Variants in NCOA6 observed in about 807,000 individuals in gnomAD.
NCOA6 encodes nuclear receptor coactivator 6, also known as NRC RAP250.
NCOA6 carries 49 observed loss-of-function variants against 171.4 expected under a neutral mutation model. The observed-to-expected ratio is 0.29, with a 90% CI of 0.23 to 0.36. The LOEUF (loss-of-function observed/expected upper bound fraction) is 0.36, where lower values mean the gene tolerates loss of function less well. Ranked by LOEUF, NCOA6 falls within the 10% of genes least tolerant of loss-of-function variation. The pLI is 1.00. For synonymous variants in NCOA6, 910 were observed against 927.5 expected (o/e 0.98, Z 0.34); for missense variants, 2,248 against 2,554.5 (o/e 0.88, Z 2.59).
At chr20:34,748,322 C>T (rs140511752) in intron 9 of NCOA6, among the ~76,000 whole-genome samples, 33 of 152,122 alleles carry the variant, frequency 2.2e-4, no homozygotes, top group Admixed American at 1.5e-3. Flanking sequence ...TAATAATACA[C>T]CATGATTAGC....
chr20:34,741,928 G>A lies in NCOA6; in HGVS notation c.4328C>T (p.Ala1443Val), dbSNP rs377142081. 6 of 1,614,066 alleles carry A rather than the reference G, an allele frequency of 3.7e-6. No individual in the cohort carries two copies. The highest frequency in any genetic ancestry group is 2.7e-5 in the African/African-American group (2 of 74,914). ...CATTTTAACTTCTTGGGCAGGGACT[G>A]CTTTTAGTTCAATGTTTACCTGTTC... ...RKEQVNIELK[A>V]VPAQEVKMVV... The change falls in exon 11 of 15, where the codon GCA (alanine) becomes GTA (valine). Residue 1443 changes from alanine (A) to valine (V), a missense_variant. By Grantham distance (64) the Ala-to-Val change is moderately conservative. This residue lies in a region of NCOA6 where 884 missense variants were observed against 941.9 expected (regional missense o/e 0.94). Coordinates refer to ENST00000359003, the MANE Select transcript of NCOA6 (RefSeq NM_014071.5).
At chr20:34,759,876 G>A (rs999439154) in intron 5 of NCOA6, among the ~76,000 whole-genome samples, 9 of 152,138 alleles carry the variant, frequency 5.9e-5, no homozygotes, top group African/African-American at 9.7e-5. Flanking sequence ...GCTCTCAAAA[G>A]TGGTTATACC....
At position 34,768,575 on chromosome 20, in the gene NCOA6, T is replaced by C. The variant is rs2077049535; in HGVS notation, c.403A>G (p.Ile135Val). 3 of 1,613,466 alleles carry C rather than the reference T, an allele frequency of 1.9e-6. No homozygotes were observed. The highest frequency in any genetic ancestry group is 1.3e-5 in the African/African-American group (1 of 74,894). ...CGGTTCTGAGCCAAAGCCAGGTTAATAGCACCTTCCCCTGAAAATGAGTCA... is the reference window on the plus strand; with the variant it reads ...CGGTTCTGAGCCAAAGCCAGGTTAACAGCACCTTCCCCTGAAAATGAGTCA... ...LSVQIEGEGA[I>V]NLALAQNRSQ... The change falls in exon 5 of 15, where the codon ATT (isoleucine) becomes GTT (valine). Residue 135 changes from isoleucine to valine, a missense_variant. Ile to Val is a conservative substitution (Grantham distance 29). Transcript: ENST00000359003.
At chr20:34,786,128 A>G (rs933045813) in intron 2 of NCOA6, among the ~76,000 whole-genome samples, 18 of 152,170 alleles carry the variant, frequency 1.2e-4, no homozygotes, top group African/African-American at 4.1e-4. Context: ...GTTTATGTAC[A>G]TAGAGGTGTT....
chr20:34,725,396 G>A (rs1989838529), intron 14 of NCOA6, among the ~76,000 whole-genome samples: 1 of 152,214 alleles, frequency 6.6e-6, no homozygotes, highest in Non-Finnish European at 1.5e-5. Flanking sequence ...GGAAGGGTGG[G>A]ACGTTAAGGA....
Position 34,754,864 on chromosome 20 carries a change from C to T in NCOA6, c.1533G>A (p.Met511Ile). ...PQSLHPGLGG[M>I]PKRLPPGFSA... ...AGAAGCCAGGTGGGAGGCGTTTAGG[C>T]ATTCCTTAATAGAAAACAATGAGTA... Residue 511 changes from methionine to isoleucine, a missense_variant, in exon 8 of 15, where the codon ATG becomes ATA. Transcript: ENST00000359003. The T allele has an allele frequency of 1.9e-6, 3 of 1,614,000 alleles. No homozygotes were observed. In the South Asian group the frequency reaches 3.3e-5, roughly 18 times the overall value.
At chr20:34,804,724 C>T (rs1050302117) in intron 1 of NCOA6, among the ~76,000 whole-genome samples, 2 of 151,954 alleles carry the variant, frequency 1.3e-5, no homozygotes, top group Non-Finnish European at 2.9e-5. Context: ...TCACACATAA[C>T]TGTATATATA....
In NCOA6 at chr20:34,746,926, G is replaced by T. The variant is rs1309344836; in HGVS notation, c.2795C>A (p.Thr932Asn). Residue 932 changes from threonine to asparagine, a missense_variant and splice_region_variant, in exon 10 of 15, where the codon ACC becomes AAC. Coordinates refer to ENST00000359003, the MANE Select transcript of NCOA6 (RefSeq NM_014071.5). ...CAGACCAGCTGGGCGAGTATCTGGG[G>T]TGCTAAAAAAAAAAAAAAAAAAAAA... ...KKKNSQQDLN[T>N]PDTRPAGLEE... 2 of 1,441,792 alleles carry T rather than the reference G, an allele frequency of 1.4e-6. No homozygotes were observed. Among genetic ancestry groups the T allele is most frequent in the South Asian group, 1.4e-5 (1 of 71,170 alleles). The allele number at this position is 1,441,792 out of a possible 1,614,324, so 89.3% of individuals were successfully genotyped here.
chr20:34,736,588 C>T, intron 12 of NCOA6, 102 bp downstream of exon 12: 1 of 953,232 alleles, frequency 1.0e-6, no homozygotes, highest in Non-Finnish European at 1.5e-6. Context: ...AAAATAGTTC[C>T]TGTCACTTCC....
chr20:34,760,141 G>A (rs1340966473), intron 5 of NCOA6, among the ~76,000 whole-genome samples: 3 of 152,118 alleles, frequency 2.0e-5, no homozygotes, highest in Non-Finnish European at 1.5e-5. Flanking sequence ...AGCCAGTGTG[G>A]TGGCAAGCGC....
intron 2 of NCOA6, among the ~76,000 whole-genome samples, chr20:34,784,327 T>A (rs2077601980): frequency 6.6e-6 from 1 of 151,984 alleles, no homozygotes; most frequent in Non-Finnish European, 1.5e-5. Flanking sequence ...TGGGCTCAAG[T>A]GATCCTCTCG....
chr20:34,787,766 G>A (rs2077730061), intron 2 of NCOA6, among the ~76,000 whole-genome samples: 1 of 152,204 alleles, frequency 6.6e-6, no homozygotes, highest in Admixed American at 6.5e-5. Flanking sequence ...TGAAGCTGCA[G>A]TGTTACAACT....
At chr20:34,763,071 A>G (rs1441616058) in intron 5 of NCOA6, among the ~76,000 whole-genome samples, 1 of 152,154 alleles carries the variant, frequency 6.6e-6, no homozygotes, top group African/African-American at 2.4e-5. Flanking sequence ...TAGCTTTACA[A>G]TATTGTGTCT....
chr20:34,738,480 C>T (rs948494531), intron 11 of NCOA6, among the ~76,000 whole-genome samples: 6 of 152,198 alleles, frequency 3.9e-5, no homozygotes, highest in Non-Finnish European at 8.8e-5. Context: ...ACTTAATTTA[C>T]ACCAGGTTCC....
rs150758637 is a variant in NCOA6, at chr20:34,794,076, G to A, written c.-163-1513C>T. On this transcript the variant is annotated intron_variant, in intron 1 of 14. Transcript: ENST00000359003. Reference sequence around the variant, plus strand: ...GGTGAAACAGGCACTCTTATTCATTGCTGGCGGTAGTGCAAATTGGTACAC... The same window carrying A: ...GGTGAAACAGGCACTCTTATTCATTACTGGCGGTAGTGCAAATTGGTACAC... Among the ~76,000 whole-genome samples, 72 of 152,298 alleles carry A rather than the reference G, an allele frequency of 4.7e-4. No individual in the cohort carries two copies. The East Asian group carries it at 0.012, about 25-fold the overall frequency.
At chr20:34,728,032 C>T (rs978268131) in intron 13 of NCOA6, among the ~76,000 whole-genome samples, 1 of 152,162 alleles carries the variant, frequency 6.6e-6, no homozygotes, top group African/African-American at 2.4e-5. Context: ...GCCCCTCACC[C>T]ATTTTCCTAA....
At chr20:34,800,646 T>C (rs556362036) in intron 1 of NCOA6, among the ~76,000 whole-genome samples, 1 of 152,250 alleles carries the variant, frequency 6.6e-6, no homozygotes, top group Non-Finnish European at 1.5e-5. Flanking sequence ...AAGGGGTCAA[T>C]TCAGCAAGAA....
intron 11 of NCOA6, among the ~76,000 whole-genome samples, chr20:34,738,703 A>G (rs1212468984): frequency 6.6e-6 from 1 of 152,228 alleles, no homozygotes; most frequent in East Asian, 1.9e-4. Flanking sequence ...CCACTTGACA[A>G]ATCTTCTCAT....
chr20:34,730,618 G>A (rs1251599052), intron 13 of NCOA6, among the ~76,000 whole-genome samples: 4 of 151,864 alleles, frequency 2.6e-5, no homozygotes, highest in Non-Finnish European at 5.9e-5. Context: ...GAGTGGTATA[G>A]TAGGAGTAGC....
Sources: allele counts gnomAD v4.1 joint callset (sites outside exome capture counted in the v4.1 genomes callset), GRCh38; gene constraint gnomAD v4.1.1; regional missense constraint gnomAD v4.1.1; transcripts MANE v1.5; gene names NCBI Gene and HGNC (gene_info 2026-07-23, HGNC 2026-07-21).